PSMB6: variants seen among roughly 807,000 people sequenced by gnomAD.
The protein encoded by PSMB6 is proteasome 20S subunit beta 6.
A neutral mutation model predicts 28.2 loss-of-function variants in PSMB6; 11 were observed. The ratio of observed to expected loss-of-function variants is 0.39; its 90% CI spans 0.25 to 0.65. PSMB6 has a LOEUF of 0.65. Among genes scored for constraint, PSMB6 ranks in the 30% least tolerant of loss-of-function variants. The pLI, the probability that PSMB6 is intolerant of heterozygous loss-of-function variation, is 0.48. For missense variants in PSMB6, 268 were observed against 319.4 expected, an observed-to-expected ratio of 0.84 and a Z score of 1.23; for synonymous variants, 126 against 117.7, an observed-to-expected ratio of 1.07 and a Z score of -0.45.
At chr17:4,797,405 G>A in intron 2 of PSMB6, 33 bp from the exon 3 acceptor site, 1 of 1,528,440 alleles carries the variant, frequency 6.5e-7, no homozygotes, top group Non-Finnish European at 8.8e-7. Context: ...AAGACAGGTG[G>A]GCTCCTTTCC....
chr17:4,797,360 C>T, intron 2 of PSMB6, 78 bp from the exon 3 acceptor site: 1 of 1,491,090 alleles, frequency 6.7e-7, no homozygotes, highest in South Asian at 1.4e-5. Flanking sequence ...TATCCCTGAG[C>T]CCTAAGAGAG....
chr17:4,796,877 C>A, intron 2 of PSMB6, 82 bp downstream of exon 2: 1 of 1,196,548 alleles, frequency 8.4e-7, no homozygotes, highest in Non-Finnish European at 1.2e-6. Flanking sequence ...CCTGCCTCCA[C>A]AGACCACTGT....
Position 4,796,731 on chromosome 17 carries a change from A to T in PSMB6, c.106A>T (p.Thr36Ser). 6.2e-7 allele frequency: 1 copy of T among 1,603,478 alleles called. No individual in the cohort carries two copies. Among genetic ancestry groups the T allele is most frequent in the Non-Finnish European group, 8.5e-7 (1 of 1,170,488 alleles). ...ACTCCTTTTTCCCTTTTCCCAGACCACTATCATGGCCGTGCAGTTTGACGG... is the reference window on the plus strand; with the variant it reads ...ACTCCTTTTTCCCTTTTCCCAGACCTCTATCATGGCCGTGCAGTTTGACGG... ...WESREVSTGT[T>S]IMAVQFDGGV... The change falls in exon 2 of 6, where the codon ACT (threonine) becomes TCT (serine). Residue 36 changes from threonine to serine, a missense_variant. Coordinates refer to ENST00000270586, the MANE Select transcript of PSMB6 (RefSeq NM_002798.3).
rs768105012 is a variant in PSMB6 at position 4,797,669 on chromosome 17, C to T, written c.303-13C>T. ...GTCTTGAAACTTTCTCTGTGACTTC[C>T]CTGACCCTCTAGCATTGAACTGAAT... On this transcript the variant is annotated splice_polypyrimidine_tract_variant and intron_variant, in intron 3 of 5. Coordinates refer to ENST00000270586, the MANE Select transcript of PSMB6 (RefSeq NM_002798.3). The T allele has an allele frequency of 6.2e-7, 1 of 1,613,318 alleles. No individual in the cohort carries two copies. Among genetic ancestry groups the T allele is most frequent in the Non-Finnish European group, 8.5e-7 (1 of 1,179,536 alleles).
chr17:4,796,400 G>A (rs373517648), intron 1 of PSMB6, 104 bp downstream of exon 1: 2 of 953,538 alleles, frequency 2.1e-6, no homozygotes, highest in African/African-American at 3.3e-5. Flanking sequence ...GAGAGGAGGT[G>A]GAATGTGTTG....
At position 4,798,088 on chromosome 17, in the gene PSMB6, G is replaced by C; in HGVS notation, c.512G>C (p.Gly171Ala). 6.2e-7 allele frequency: 1 copy of C among 1,614,150 alleles called. No individual in the cohort carries two copies. The highest frequency in any genetic ancestry group is 8.5e-7 in the Non-Finnish European group (1 of 1,180,042). ...GGCTCCGGGAGCTCCTACATCTATG[G>C]CTATGTTGATGCTACCTACCGGGAA... ...IGGSGSSYIY[G>A]YVDATYREGM... is the part of the protein sequence containing the mutation. Residue 171 changes from glycine (G) to alanine (A), a missense_variant, in exon 5 of 6, where the codon GGC becomes GCC. Transcript: ENST00000270586.
Position 4,796,850 on chromosome 17 carries a change from C to A in PSMB6, c.170+55C>A, listed in dbSNP as rs1393417371. The A allele has an allele frequency of 6.9e-6, 10 of 1,446,270 alleles. No homozygotes were observed. The East Asian group carries it at 1.8e-4, about 26-fold the overall frequency. The allele number at this position is 1,446,270 out of a possible 1,614,324, so 89.6% of individuals were successfully genotyped here. Reference sequence around the variant, plus strand: ...TTCCCATCTTCCTTTTCCTTTCCTGCCTGCCAGCCCACCCTGCCTGCCTCC... The same window carrying A: ...TTCCCATCTTCCTTTTCCTTTCCTGACTGCCAGCCCACCCTGCCTGCCTCC... On this transcript the variant is annotated intron_variant, in intron 2 of 5. Transcript: ENST00000270586.
At position 4,798,473 on chromosome 17, in the gene PSMB6, T is replaced by G. The variant is rs1905415406; in HGVS notation, c.*51T>G. The G allele has an allele frequency of 1.3e-6, 2 of 1,546,210 alleles. No individual in the cohort carries two copies. Among genetic ancestry groups the G allele is most frequent in the East Asian group, 2.3e-5 (1 of 44,032 alleles). On this transcript the variant is annotated 3_prime_UTR_variant, in exon 6 of 6. Coordinates refer to ENST00000270586, the MANE Select transcript of PSMB6 (RefSeq NM_002798.3). ...GAGATGCCCTGTACTGATGCAAAAT[T>G]TAATAAAGTTTGTCACAGAGAATCT...
In PSMB6 at chr17:4,798,030, G is replaced by A; in HGVS notation, c.454G>A (p.Gly152Ser). The part of the protein sequence containing the change: ...GGQVYSVPMG[G>S]MMVRQSFAIG... Reference sequence around the variant, plus strand: ...GCAGGTGTACTCAGTGCCTATGGGGGGTATGATGGTAAGGCAGTCCTTTGC... The same window carrying A: ...GCAGGTGTACTCAGTGCCTATGGGGAGTATGATGGTAAGGCAGTCCTTTGC... The change falls in exon 5 of 6, where the codon GGT (glycine) becomes AGT (serine). Residue 152 changes from glycine to serine, a missense_variant. Physicochemically the swap from Gly to Ser is moderately conservative, Grantham distance 56 (BLOSUM62 0). Coordinates refer to ENST00000270586, the MANE Select transcript of PSMB6 (RefSeq NM_002798.3). 6.2e-7 allele frequency: 1 copy of A among 1,614,130 alleles called. No homozygotes were observed. Among genetic ancestry groups the A allele is most frequent in the Non-Finnish European group, 8.5e-7 (1 of 1,180,016 alleles).
rs895247244 is a variant in PSMB6 at position 4,796,293 on chromosome 17, T to C, written c.99T>C (p.Thr33=). The part of the protein sequence containing the change: ...TPDWESREVS[T]GTTIMAVQFD... ...ACTGGGAAAGCCGAGAAGTTTCCAC[T>C]GGGGTGAGGAAGGAATCGGGGTTCA... The change falls in exon 1 of 6, where the codon ACT becomes ACC. Residue 33 remains threonine (T), a synonymous_variant. Transcript: ENST00000270586. 1 of 1,571,094 alleles carries C rather than the reference T, an allele frequency of 6.4e-7. No individual in the cohort carries two copies. Among genetic ancestry groups the C allele is most frequent in the Admixed American group, 1.9e-5 (1 of 53,228 alleles).
At position 4,798,399 on chromosome 17, in the gene PSMB6, G is replaced by C. The variant is rs201170982; in HGVS notation, c.697G>C (p.Val233Leu). ...GGGAGACCAGATACCCAAATTCGCC[G>C]TTGCCACTTTACCACCCGCCTGAAT... ...LLGDQIPKFA[V>L]ATLPPA The change falls in exon 6 of 6, where the codon GTT (valine) becomes CTT (leucine). Residue 233 changes from valine (V) to leucine (L), a missense_variant. Transcript: ENST00000270586. 4.3e-6 allele frequency: 7 copies of C among 1,614,052 alleles called. No individual in the cohort carries two copies. In the African/African-American group the frequency reaches 9.3e-5, roughly 22 times the overall value.
chr17:4,797,608 G>A (rs779882603), intron 3 of PSMB6, 39 bp downstream of exon 3: 5 of 1,598,436 alleles, frequency 3.1e-6, no homozygotes, highest in Middle Eastern at 3.3e-4. Context: ...TCTGAAGGGA[G>A]TTGGAAGCTG....
intron 2 of PSMB6, 162 bp downstream of exon 2, chr17:4,796,957 C>A: frequency 1.5e-6 from 1 of 657,976 alleles, no homozygotes. Context: ...CAGTTCCCCT[C>A]ACTCGTTAGT....
rs139119751 is a variant in PSMB6 at position 4,797,483 on chromosome 17, C to T, written c.216C>T (p.His72=). Residue 72 remains histidine (H), a synonymous_variant, in exon 3 of 6, where the codon CAC becomes CAT. Transcript: ENST00000270586. ...TGACTGACAAGCTGACACCTATTCACGACCGCATTTTCTGCTGTCGCTCAG... is the reference window on the plus strand; with the variant it reads ...TGACTGACAAGCTGACACCTATTCATGACCGCATTTTCTGCTGTCGCTCAG... The part of the protein sequence containing the change: ...NRVTDKLTPI[H]DRIFCCRSGS... The T allele has an allele frequency of 5.5e-4, 875 of 1,602,672 alleles. 1 individual carries two copies. Among genetic ancestry groups the T allele is most frequent in the Non-Finnish European group, 7.1e-4 (835 of 1,172,336 alleles).
In PSMB6 at chr17:4,796,645, G is replaced by T. The variant is rs1905336723; in HGVS notation, c.103-83G>T. The T allele has an allele frequency of 3.8e-6, 5 of 1,300,698 alleles. No homozygotes were observed. In the South Asian group the frequency reaches 5.9e-5, roughly 15 times the overall value. 80.6% of individuals were successfully genotyped at this position (1,300,698 alleles called of 1,614,324 possible). A position where few individuals can be genotyped will look rare whatever the true frequency, so the allele number is the denominator to read the frequency against. Reference sequence around the variant, plus strand: ...AATGGTTCAGCGACGGACAGATTTTGTATTTTTGGAACTAGGTAGAGAGAT... The same window carrying T: ...AATGGTTCAGCGACGGACAGATTTTTTATTTTTGGAACTAGGTAGAGAGAT... On this transcript the variant is annotated intron_variant, in intron 1 of 5. Transcript: ENST00000270586.
intron 1 of PSMB6, among the ~76,000 whole-genome samples, chr17:4,796,522 G>A (rs1323737806): frequency 6.6e-6 from 1 of 152,182 alleles, no homozygotes; most frequent in African/African-American, 2.4e-5. Flanking sequence ...TGCGAGGCTA[G>A]TGAGGATCTT....
chr17:4,797,989 C>CCT lies in PSMB6; in HGVS notation c.433-16_433-15dup. The CCT allele has an allele frequency of 6.2e-7, 1 of 1,613,918 alleles. No individual in the cohort carries two copies. Among genetic ancestry groups the CCT allele is most frequent in the Non-Finnish European group, 8.5e-7 (1 of 1,179,890 alleles). ...TGGAGGGAGGATACGACTGGTGACT[C>CCT]CTCTCCTTCTATCTGGCAGGTGTAC... is the stretch of plus-strand genomic sequence containing the variant. On this transcript the variant is annotated intron_variant, in intron 4 of 5. Coordinates refer to ENST00000270586, the MANE Select transcript of PSMB6 (RefSeq NM_002798.3).
Position 4,796,238 on chromosome 17 carries a change from C to T in PSMB6, c.44C>T (p.Pro15Leu), listed in dbSNP as rs1256483754. ...LLAARGAGPA[P>L]AWGPEAFTPD... The stretch of plus-strand genomic sequence containing the variant: ...GCTGCTCGGGGAGCCGGGCCAGCAC[C>T]GGCTTGGGGGCCGGAGGCGTTCACT... Residue 15 changes from proline (P) to leucine (L), a missense_variant, in exon 1 of 6, where the codon CCG becomes CTG. Physicochemically the swap from Pro to Leu is moderately conservative, Grantham distance 98 (BLOSUM62 -3). Coordinates refer to ENST00000270586, the MANE Select transcript of PSMB6 (RefSeq NM_002798.3). 1 of 1,595,008 alleles carries T rather than the reference C, an allele frequency of 6.3e-7. No individual in the cohort carries two copies. The highest frequency in any genetic ancestry group is 8.5e-7 in the Non-Finnish European group (1 of 1,170,880).
At position 4,798,068 on chromosome 17, in the gene PSMB6, C is replaced by T. The variant is rs781742384; in HGVS notation, c.492C>T (p.Ser164=). 5.6e-6 allele frequency: 9 copies of T among 1,613,964 alleles called. No homozygotes were observed. The highest frequency in any genetic ancestry group is 1.3e-5 in the African/African-American group (1 of 74,906). ...MVRQSFAIGG[S]GSSYIYGYVD... is the part of the protein sequence containing the mutation. ...GGCAGTCCTTTGCCATTGGAGGCTC[C>T]GGGAGCTCCTACATCTATGGCTATG... Residue 164 remains serine (S), a synonymous_variant, in exon 5 of 6, where the codon TCC becomes TCT. Transcript: ENST00000270586.
Sources: allele counts gnomAD v4.1 joint callset (sites outside exome capture counted in the v4.1 genomes callset), GRCh38; gene constraint gnomAD v4.1.1; transcripts MANE v1.5; gene names NCBI Gene and HGNC (gene_info 2026-07-23, HGNC 2026-07-21).